Variants in LUZP2 observed in about 807,000 individuals in gnomAD.
LUZP2 encodes leucine zipper protein 2.
In LUZP2, 52 loss-of-function variants were observed where a neutral mutation model predicts 51.6. The ratio of observed to expected loss-of-function variants is 1.01; its 90% CI spans 0.81 to 1.27. The LOEUF (loss-of-function observed/expected upper bound fraction) is 1.27, where lower values mean the gene tolerates loss of function less well. Among genes scored for constraint, LUZP2 ranks in the 50% most tolerant of loss-of-function variants. LUZP2 has a pLI of 0.00. For missense variants in LUZP2, 436 were observed against 395.4 expected, an observed-to-expected ratio of 1.10 and a Z score of -0.87; for synonymous variants, 154 against 137.3, an observed-to-expected ratio of 1.12 and a Z score of -0.85.
intron 1 of LUZP2, among the ~76,000 whole-genome samples, chr11:24,603,531 T>A (rs185728729): frequency 1.3e-5 from 2 of 151,886 alleles, no homozygotes; most frequent in African/African-American, 4.8e-5. Flanking sequence ...AGAACACCAT[T>A]TTTCTCATAA....
At chr11:24,862,483 G>T (rs1851769647) in intron 5 of LUZP2, among the ~76,000 whole-genome samples, 1 of 152,128 alleles carries the variant, frequency 6.6e-6, no homozygotes, top group Non-Finnish European at 1.5e-5. Context: ...TGAAGAAAGT[G>T]CATCAACTAG....
intron 1 of LUZP2, among the ~76,000 whole-genome samples, chr11:24,695,623 T>A (rs944650904): frequency 3.3e-5 from 5 of 152,074 alleles, no homozygotes; most frequent in African/African-American, 1.2e-4. Context: ...GAGATGGGAG[T>A]ATCTTCCTTT....
intron 5 of LUZP2, chr11:24,832,077 A>G (rs1297069590): frequency 6.6e-6 from 1 of 152,432 alleles, no homozygotes; most frequent in African/African-American, 2.4e-5. Flanking sequence ...GAAAGTACCT[A>G]TCCCCCAAAA....
intron 5 of LUZP2, among the ~76,000 whole-genome samples, chr11:24,848,669 G>C (rs1376241923): frequency 6.6e-6 from 1 of 151,874 alleles, no homozygotes; most frequent in Non-Finnish European, 1.5e-5. Context: ...CTCCATCTTT[G>C]GCCTATAGCC....
intron 1 of LUZP2, among the ~76,000 whole-genome samples, chr11:24,576,412 CAAAAAA>C (rs10549188): frequency 2.7e-5 from 2 of 75,160 alleles, no homozygotes; most frequent in East Asian, 3.9e-4. Flanking sequence ...GACTCCATCT[CAAAAAA>C]AAAAAAAAAA....
chr11:24,598,058 G>A (rs543458059), intron 1 of LUZP2, among the ~76,000 whole-genome samples: 52 of 150,284 alleles, frequency 3.5e-4, no homozygotes, highest in Non-Finnish European at 5.2e-4. Flanking sequence ...CAGAGATTGC[G>A]CCATTGCACT....
chr11:25,070,799 G>A (rs1360947513), intron 10 of LUZP2, among the ~76,000 whole-genome samples: 2 of 151,212 alleles, frequency 1.3e-5, no homozygotes, highest in African/African-American at 2.4e-5. Context: ...GTGTGTGTGT[G>A]TGTGTGTGTG....
chr11:24,835,362 G>T (rs1312102753), intron 5 of LUZP2, among the ~76,000 whole-genome samples: 1 of 152,080 alleles, frequency 6.6e-6, no homozygotes, highest in African/African-American at 2.4e-5. Flanking sequence ...AACCCTAAAA[G>T]AAAACCTTGG....
chr11:24,899,230 C>T (rs559524708), intron 5 of LUZP2, among the ~76,000 whole-genome samples: 2 of 151,940 alleles, frequency 1.3e-5, no homozygotes, highest in East Asian at 3.9e-4. Context: ...TATAATGGTT[C>T]GCTCATCTTC....
chr11:25,013,992 A>G (rs1326345494), intron 9 of LUZP2, among the ~76,000 whole-genome samples: 2 of 151,884 alleles, frequency 1.3e-5, no homozygotes, highest in African/African-American at 2.4e-5. Context: ...GAGTGAGAAC[A>G]TGTGGTGTTT....
intron 1 of LUZP2, among the ~76,000 whole-genome samples, chr11:24,564,711 CAGATCAACA>C (rs773523616): frequency 6.6e-6 from 1 of 151,982 alleles, no homozygotes; most frequent in Non-Finnish European, 1.5e-5. Flanking sequence ...AGGTAACAAG[CAGATCAACA>C]ATTATATTTG....
intron 8 of LUZP2, among the ~76,000 whole-genome samples, chr11:24,980,896 A>G (rs2133910975): frequency 6.6e-6 from 1 of 151,904 alleles, no homozygotes; most frequent in Middle Eastern, 3.4e-3. Flanking sequence ...CACAAAGGAT[A>G]TTGTGATAAA....
chr11:25,021,318 G>A (rs1033968337), intron 9 of LUZP2, among the ~76,000 whole-genome samples: 7 of 151,656 alleles, frequency 4.6e-5, no homozygotes, highest in African/African-American at 1.7e-4. Context: ...AAAAAAGGAT[G>A]TTTTGGGAAG....
chr11:25,057,676 A>G (rs1858727720), intron 10 of LUZP2, among the ~76,000 whole-genome samples: 1 of 152,130 alleles, frequency 6.6e-6, no homozygotes, highest in Admixed American at 6.5e-5. Context: ...TCTGACTCCT[A>G]TAAGTAGCAA....
chr11:24,849,062 C>T (rs1199456936), intron 5 of LUZP2, among the ~76,000 whole-genome samples: 3 of 151,984 alleles, frequency 2.0e-5, no homozygotes, highest in African/African-American at 7.2e-5. Context: ...ACTTTTTTTG[C>T]TACTCAGCAT....
intron 1 of LUZP2, among the ~76,000 whole-genome samples, chr11:24,716,116 AAAAT>A (rs1201376834): frequency 6.6e-6 from 1 of 152,192 alleles, no homozygotes; most frequent in African/African-American, 2.4e-5. Flanking sequence ...TTAAAAATAA[AAAAT>A]AAAATGAAGC....
chr11:24,771,160 T>C (rs1860401575), intron 5 of LUZP2, among the ~76,000 whole-genome samples: 1 of 152,052 alleles, frequency 6.6e-6, no homozygotes, highest in South Asian at 2.1e-4. Context: ...ATAGATTTGA[T>C]ACTATAGAAA....
rs147586959 is a variant in LUZP2 at position 24,593,384 on chromosome 11, A to C, written c.62+96079A>C. ...ATTAATCTTGATGATTAAGCTGCAT[A>C]GTACTTCTCTAAGGCCTCTCACGAG... On this transcript the variant is annotated intron_variant, in intron 1 of 11. Coordinates refer to ENST00000336930, the MANE Select transcript of LUZP2 (RefSeq NM_001009909.4). 2.9e-3 allele frequency among the ~76,000 whole-genome samples: 439 copies of C among 152,260 alleles called. 1 individual carries two copies. Among genetic ancestry groups the C allele is most frequent in the African/African-American group, 9.6e-3 (400 of 41,544 alleles).
chr11:24,657,309 C>A (rs1413059707), intron 1 of LUZP2, among the ~76,000 whole-genome samples: 2 of 152,052 alleles, frequency 1.3e-5, no homozygotes, highest in Non-Finnish European at 2.9e-5. Context: ...AAAGTAGAGG[C>A]CAAATGAATG....
Sources: gnomAD v4.1 joint callset for allele counts (sites outside exome capture counted in the v4.1 genomes callset) on GRCh38, gnomAD v4.1.1 for gene constraint, MANE v1.5 for transcripts, NCBI Gene and HGNC (gene_info 2026-07-23, HGNC 2026-07-21) for gene names.